FOXN4: variants seen among roughly 807,000 people sequenced by gnomAD.
The protein encoded by FOXN4 is forkhead box protein N4.
A neutral mutation model predicts 45.0 loss-of-function variants in FOXN4; 12 were observed. The ratio of observed to expected loss-of-function variants is 0.27; its 90% confidence interval spans 0.17 to 0.43. The LOEUF (loss-of-function observed/expected upper bound fraction) is 0.43. FOXN4 is among the 20% of genes least tolerant of loss of function. The probability of loss-of-function intolerance (pLI) is 1.00; values close to 1 mark genes in which losing one functional copy is unlikely to be tolerated. For synonymous variants in FOXN4, 297 were observed against 295.0 expected, an observed-to-expected ratio of 1.01 and a Z score of -0.07; for missense variants, 560 against 694.9, an observed-to-expected ratio of 0.81 and a Z score of 2.18.
chr12:109,279,527 T>C lies in FOXN4; in HGVS notation c.*144A>G. The C allele has an allele frequency of 7.8e-7, 1 of 1,283,418 alleles. No homozygotes were observed. Among genetic ancestry groups the C allele is most frequent in the Middle Eastern group, 2.7e-4 (1 of 3,682 alleles). 79.5% of individuals were successfully genotyped at this position (1,283,418 alleles called of 1,614,324 possible). A position where few individuals can be genotyped will look rare whatever the true frequency, so the allele number is the denominator to read the frequency against. On this transcript the variant is annotated 3_prime_UTR_variant, in exon 10 of 10. Coordinates refer to ENST00000299162, the MANE Select transcript of FOXN4 (RefSeq NM_213596.3). ...GAGAGGGGCTGCTGAGGGGAACCGC[T>C]TCCCTGTCCAGCCGGCAACTTCGCC...
At chr12:109,302,754 C>T (rs2047879238) in intron 2 of FOXN4, among the ~76,000 whole-genome samples, 1 of 152,164 alleles carries the variant, frequency 6.6e-6, no homozygotes, top group African/African-American at 2.4e-5. Flanking sequence ...ATCACCATTC[C>T]AGAGATTCAG....
chr12:109,293,336 C>T (rs1181764278), intron 2 of FOXN4, among the ~76,000 whole-genome samples: 1 of 152,174 alleles, frequency 6.6e-6, no homozygotes, highest in Non-Finnish European at 1.5e-5. Flanking sequence ...GCCACCCAGA[C>T]CCCAAGCACA....
At chr12:109,282,258 A>G (rs887388679) in intron 8 of FOXN4, among the ~76,000 whole-genome samples, 1 of 152,116 alleles carries the variant, frequency 6.6e-6, no homozygotes, top group Non-Finnish European at 1.5e-5. Flanking sequence ...ATTAGCCTGA[A>G]CAACATAGTG....
At chr12:109,292,125 C>T (rs2047775304) in intron 2 of FOXN4, among the ~76,000 whole-genome samples, 1 of 152,194 alleles carries the variant, frequency 6.6e-6, no homozygotes, top group African/African-American at 2.4e-5. Context: ...CCTCACCCTC[C>T]CTTCCTCACC....
At position 109,290,386 on chromosome 12, in the gene FOXN4, C is replaced by G. The variant is rs2047756434; in HGVS notation, c.87-100G>C. On this transcript the variant is annotated intron_variant, in intron 2 of 9. Coordinates refer to ENST00000299162, the MANE Select transcript of FOXN4 (RefSeq NM_213596.3). This position sits in a 1 kb window ranked among gnomAD's most constrained non-coding sequence, Gnocchi z 5.1. ...GAAGCACCCGCTTAATGTGCCTCAT[C>G]TCCCCAAGCCACGCCAGCCCTCCAA... The G allele has an allele frequency of 1.4e-6, 2 of 1,391,432 alleles. No homozygotes were observed. The highest frequency in any genetic ancestry group is 1.9e-6 in the Non-Finnish European group (2 of 1,049,394). The allele number at this position is 1,391,432 out of a possible 1,614,324, so 86.2% of individuals were successfully genotyped here. A position where few individuals can be genotyped will look rare whatever the true frequency, so the allele number is the denominator to read the frequency against.
At chr12:109,305,910 G>A (rs2047917986) in intron 2 of FOXN4, among the ~76,000 whole-genome samples, 1 of 152,096 alleles carries the variant, frequency 6.6e-6, no homozygotes. Context: ...TAGCTCGGCA[G>A]TGGACTGGCT....
chr12:109,307,250 C>T (rs988619842), intron 2 of FOXN4, among the ~76,000 whole-genome samples: 4 of 152,212 alleles, frequency 2.6e-5, no homozygotes, highest in African/African-American at 9.6e-5. Context: ...CCAGACAAAC[C>T]CTGGGTAAAC....
At chr12:109,289,968 A>T (rs1351659863) in intron 3 of FOXN4, among the ~76,000 whole-genome samples, 173 bp downstream of exon 3, 1 of 152,178 alleles carries the variant, frequency 6.6e-6, no homozygotes, top group Non-Finnish European at 1.5e-5. Flanking sequence ...AGCAAATGAT[A>T]AACCACATCT....
chr12:109,284,659 C>CGTGTGTGTGCGCACATGT (rs542110910), intron 8 of FOXN4, among the ~76,000 whole-genome samples: 2 of 150,576 alleles, frequency 1.3e-5, no homozygotes, highest in African/African-American at 2.5e-5. Context: ...TCCTCTTCCA[C>CGTGTGTGTGCGCACATGT]GTGTGTGTGC....
intron 2 of FOXN4, among the ~76,000 whole-genome samples, chr12:109,305,654 C>A (rs750951359): frequency 5.3e-5 from 8 of 152,082 alleles, no homozygotes; most frequent in Non-Finnish European, 1.0e-4. Flanking sequence ...TGCTTGAGCC[C>A]GGGAGGCGGA....
intron 2 of FOXN4, among the ~76,000 whole-genome samples, chr12:109,306,541 G>A (rs1173713607): frequency 6.6e-6 from 1 of 152,156 alleles, no homozygotes; most frequent in Non-Finnish European, 1.5e-5. Context: ...ATTCACCCTG[G>A]ATACATTCAG....
intron 8 of FOXN4, among the ~76,000 whole-genome samples, chr12:109,282,943 TG>T (rs1197976896): frequency 6.7e-6 from 1 of 150,038 alleles, no homozygotes; most frequent in Admixed American, 6.6e-5. Context: ...GAGCTCTCGG[TG>T]GGGTGGGCGC....
intron 2 of FOXN4, among the ~76,000 whole-genome samples, chr12:109,297,404 G>T (rs1434826963): frequency 6.6e-6 from 1 of 152,206 alleles, no homozygotes; most frequent in Non-Finnish European, 1.5e-5. Context: ...GCAGTGGCAT[G>T]ATCTTGGCTC....
At chr12:109,289,514 CTGT>C (rs2047746131) in intron 3 of FOXN4, among the ~76,000 whole-genome samples, 1 of 152,184 alleles carries the variant, frequency 6.6e-6, no homozygotes. Context: ...TTTTAATATA[CTGT>C]TGTTTATTGT....
At chr12:109,281,241 C>G (rs1419725893) in intron 9 of FOXN4, among the ~76,000 whole-genome samples, 166 bp downstream of exon 9, 1 of 152,146 alleles carries the variant, frequency 6.6e-6, no homozygotes, top group East Asian at 1.9e-4. Flanking sequence ...GATTTTGGAG[C>G]ATTTTGGATT....
chr12:109,296,375 C>G (rs966679274), intron 2 of FOXN4, among the ~76,000 whole-genome samples: 4 of 152,248 alleles, frequency 2.6e-5, no homozygotes, highest in South Asian at 2.1e-4. Context: ...GTCCTTCCCC[C>G]CTTCTCTGTG....
chr12:109,283,335 A>C (rs2047670550), intron 8 of FOXN4, among the ~76,000 whole-genome samples: 1 of 152,180 alleles, frequency 6.6e-6, no homozygotes, highest in African/African-American at 2.4e-5. Context: ...AAGCATATTT[A>C]TTCTCATTCT....
At chr12:109,282,684 T>TA (rs2047664443) in intron 8 of FOXN4, among the ~76,000 whole-genome samples, 1 of 152,186 alleles carries the variant, frequency 6.6e-6, no homozygotes, top group Admixed American at 6.5e-5. Flanking sequence ...TGCTGTGGGT[T>TA]AAAAATCCTT....
intron 2 of FOXN4, among the ~76,000 whole-genome samples, chr12:109,303,970 C>A (rs893400459): frequency 1.3e-5 from 2 of 151,778 alleles, no homozygotes; most frequent in African/African-American, 4.8e-5. Flanking sequence ...GCAGGCGGAT[C>A]ACTTAAGATC....
Sources: allele counts gnomAD v4.1 joint callset (sites outside exome capture counted in the v4.1 genomes callset), GRCh38; gene constraint gnomAD v4.1.1; non-coding constraint Gnocchi (gnomAD v3.1); transcripts MANE v1.5; gene names NCBI Gene and HGNC (gene_info 2026-07-23, HGNC 2026-07-21).